COMMD1: variants seen among roughly 807,000 people sequenced by gnomAD.
The protein encoded by COMMD1 is COMM domain-containing protein 1.
Under a neutral mutation model 17.2 loss-of-function variants are expected in COMMD1, and 10 were observed. The observed-to-expected ratio is 0.58, with a 90% CI of 0.36 to 0.99. COMMD1 has a LOEUF of 0.99. Among genes scored for constraint, COMMD1 ranks in the 50% least tolerant of loss-of-function variants. The pLI, the probability that COMMD1 is intolerant of heterozygous loss-of-function variation, is 0.01. For missense variants in COMMD1, 270 were observed against 231.8 expected (o/e 1.17, Z -1.07); for synonymous variants, 97 against 91.6 (o/e 1.06, Z -0.34).
intron 2 of COMMD1, among the ~76,000 whole-genome samples, chr2:62,085,825 C>CA (rs1161975267): frequency 6.6e-6 from 1 of 151,212 alleles, no homozygotes; most frequent in East Asian, 2.0e-4. Flanking sequence ...TAAAAAAATA[C>CA]AAAAAATTAG....
chr2:62,004,118 A>T (rs1384580915), intron 2 of COMMD1, among the ~76,000 whole-genome samples: 2 of 152,134 alleles, frequency 1.3e-5, no homozygotes, highest in Admixed American at 1.3e-4. Flanking sequence ...ACAGAGTGAG[A>T]CTGTGTCTCA....
At chr2:62,005,281 A>G (rs1669078952) in intron 2 of COMMD1, among the ~76,000 whole-genome samples, 1 of 152,234 alleles carries the variant, frequency 6.6e-6, no homozygotes. Flanking sequence ...ATATGTTGGC[A>G]TATTGCTTGT....
chr2:62,091,007 G>C lies in COMMD1; in HGVS notation c.463-44824G>C, dbSNP rs539550665. 7.9e-5 allele frequency among the ~76,000 whole-genome samples: 12 copies of C among 152,312 alleles called. No individual in the cohort carries two copies. The South Asian group carries it at 2.3e-3, about 29-fold the overall frequency. On this transcript the variant is annotated intron_variant, in intron 2 of 2. Transcript: ENST00000311832. The stretch of plus-strand genomic sequence containing the variant: ...ATTTACCGTCCAAAAATCTCCATAA[G>C]CGTGGTGGACCATATGTTTTCCACA...
intron 1 of COMMD1, among the ~76,000 whole-genome samples, chr2:61,982,697 G>A (rs574754590): frequency 3.9e-5 from 6 of 152,202 alleles, no homozygotes; most frequent in African/African-American, 1.2e-4. Flanking sequence ...GTTAGCACTA[G>A]CCATCTCATC....
intron 1 of COMMD1, among the ~76,000 whole-genome samples, chr2:61,937,988 G>T (rs1670645735): frequency 6.6e-6 from 1 of 152,138 alleles, no homozygotes; most frequent in Non-Finnish European, 1.5e-5. Context: ...TTAGAGGGAG[G>T]ATGCCTGTAT....
chr2:62,046,630 A>G (rs1428998972), intron 2 of COMMD1, among the ~76,000 whole-genome samples: 1 of 152,250 alleles, frequency 6.6e-6, no homozygotes, highest in African/African-American at 2.4e-5. Flanking sequence ...TATGCCTACT[A>G]TATTGTCTTG....
chr2:61,918,702 T>C (rs1370533429), intron 1 of COMMD1: 1 of 152,188 alleles, frequency 6.6e-6, no homozygotes, highest in Non-Finnish European at 1.5e-5. Flanking sequence ...AACCTTGCTC[T>C]ATACACAAGG....
At chr2:61,918,032 T>C (rs933173014) in intron 1 of COMMD1, among the ~76,000 whole-genome samples, 7 of 152,204 alleles carry the variant, frequency 4.6e-5, no homozygotes, top group African/African-American at 7.2e-5. Flanking sequence ...GTTTTTCTAC[T>C]GTAGGTGGCA....
intron 2 of COMMD1, among the ~76,000 whole-genome samples, chr2:62,042,685 G>A (rs1350581479): frequency 2.6e-5 from 4 of 152,256 alleles, no homozygotes; most frequent in Admixed American, 6.5e-5. Context: ...CTCCTCGAGC[G>A]CAGCCAGAGC....
At chr2:62,110,349 C>T (rs1372595817) in intron 2 of COMMD1, among the ~76,000 whole-genome samples, 1 of 152,140 alleles carries the variant, frequency 6.6e-6, no homozygotes, top group Non-Finnish European at 1.5e-5. Flanking sequence ...GGATTACAGG[C>T]ATGAGCCACC....
chr2:62,071,972 A>C (rs1164336063), intron 2 of COMMD1, among the ~76,000 whole-genome samples: 1 of 151,776 alleles, frequency 6.6e-6, no homozygotes, highest in South Asian at 2.1e-4. Flanking sequence ...ACACCCTCAA[A>C]CTGTAAAAAT....
rs541963727 is a variant in COMMD1, at chr2:62,004,547, C to T, written c.462+3565C>T. 2.0e-5 allele frequency among the ~76,000 whole-genome samples: 3 copies of T among 152,256 alleles called. No individual in the cohort carries two copies. The South Asian group carries it at 6.2e-4, about 32-fold the overall frequency. ...TTGAACTCCTGACCTCGTGATCCAC[C>T]CACCTCGGCCTCCCAAAGTGCTGGG... On this transcript the variant is annotated intron_variant, in intron 2 of 2. Coordinates refer to ENST00000311832, the MANE Select transcript of COMMD1 (RefSeq NM_152516.4).
In COMMD1 at chr2:61,905,876, A is replaced by C. The variant is rs373332646; in HGVS notation, c.180+18A>C. 1.9e-6 allele frequency: 3 copies of C among 1,613,686 alleles called. No individual in the cohort carries two copies. Among genetic ancestry groups the C allele is most frequent in the Non-Finnish European group, 2.5e-6 (3 of 1,179,760 alleles). On this transcript the variant is annotated intron_variant, in intron 1 of 2. Transcript: ENST00000311832. ...TTCTTAAGGTACTGCTCTTTTCTGTAGTCTCCGGCTTGGAGCAGAACCCCT... is the reference window on the plus strand; with the variant it reads ...TTCTTAAGGTACTGCTCTTTTCTGTCGTCTCCGGCTTGGAGCAGAACCCCT...
chr2:62,102,835 C>T (rs770413761), intron 2 of COMMD1, among the ~76,000 whole-genome samples: 1 of 152,174 alleles, frequency 6.6e-6, no homozygotes, highest in Non-Finnish European at 1.5e-5. Context: ...GGGTCCTGTC[C>T]CACACCCAGA....
chr2:61,923,964 A>T (rs1670259263), intron 1 of COMMD1, among the ~76,000 whole-genome samples: 1 of 152,024 alleles, frequency 6.6e-6, no homozygotes, highest in East Asian at 1.9e-4. Context: ...TTTTGTAGAG[A>T]TGGGGTTTCG....
chr2:61,992,878 A>G (rs887692267), intron 1 of COMMD1, among the ~76,000 whole-genome samples: 3 of 152,082 alleles, frequency 2.0e-5, no homozygotes, highest in Admixed American at 6.6e-5. Context: ...TGTGTTTTTA[A>G]TTTTCTTTTT....
chr2:61,965,729 A>G (rs1452039617), intron 1 of COMMD1, among the ~76,000 whole-genome samples: 2 of 152,218 alleles, frequency 1.3e-5, no homozygotes, highest in African/African-American at 4.8e-5. Context: ...AATAAATCTC[A>G]GGAGCAGGAT....
At chr2:62,052,813 G>A (rs555157190) in intron 2 of COMMD1, among the ~76,000 whole-genome samples, 1 of 152,276 alleles carries the variant, frequency 6.6e-6, no homozygotes, top group East Asian at 1.9e-4. Context: ...GGTGGCTCAC[G>A]CCTATAATCC....
intron 1 of COMMD1, among the ~76,000 whole-genome samples, chr2:61,940,613 C>T (rs529817574): frequency 5.6e-4 from 86 of 152,230 alleles, no homozygotes; most frequent in Non-Finnish European, 9.4e-4. Context: ...ACCTTTGCTG[C>T]CTTAAAAAAC....
Sources: allele counts gnomAD v4.1 joint callset (sites outside exome capture counted in the v4.1 genomes callset), GRCh38; gene constraint gnomAD v4.1.1; transcripts MANE v1.5; gene names NCBI Gene and HGNC (gene_info 2026-07-23, HGNC 2026-07-21).